The following RAD23B variants were observed in gnomAD, a reference collection of about 807,000 sequenced individuals.
RAD23B encodes RAD23 nucleotide excision repair protein B.
In RAD23B, 5 loss-of-function variants were observed where a neutral mutation model predicts 49.1. The observed-to-expected ratio is 0.10, with a 90% confidence interval of 0.05 to 0.21. The LOEUF (loss-of-function observed/expected upper bound fraction) is 0.21. Among genes scored for constraint, RAD23B ranks in the 10% least tolerant of loss-of-function variants. The pLI is 1.00. For missense variants in RAD23B, 356 were observed against 486.7 expected (o/e 0.73, Z 2.53); for synonymous variants, 184 against 165.4 (o/e 1.11, Z -0.86).
chr9:107,283,725 C>A, intron 1 of RAD23B, 30 bp downstream of exon 1: 1 of 1,256,102 alleles, frequency 8.0e-7, no homozygotes, highest in South Asian at 1.8e-5. Flanking sequence ...GCAGGGGCAG[C>A]CGCGTGCGGG....
chr9:107,314,656 T>A (rs1158131768), intron 5 of RAD23B, among the ~76,000 whole-genome samples: 1 of 152,244 alleles, frequency 6.6e-6, no homozygotes, highest in Non-Finnish European at 1.5e-5. Flanking sequence ...CTTTTTGATA[T>A]AATGATTTAT....
Position 107,304,073 on chromosome 9 carries a change from A to C in RAD23B, c.228+1959A>C, listed in dbSNP as rs2133077409. 2.0e-5 allele frequency among the ~76,000 whole-genome samples: 3 copies of C among 152,308 alleles called. No individual in the cohort carries two copies. The East Asian group carries it at 5.8e-4, about 29-fold the overall frequency. On this transcript the variant is annotated intron_variant, in intron 3 of 9. Coordinates refer to ENST00000358015, the MANE Select transcript of RAD23B (RefSeq NM_002874.5). ...CTATGAAAAGGGAGGGAATGCTGCT[A>C]CAGTAAGGCATTATGGAAGCACTGA...
At chr9:107,309,951 C>A (rs10978790) in intron 4 of RAD23B, among the ~76,000 whole-genome samples, 4,441 of 75,692 alleles carry the variant, frequency 0.059, 176 homozygotes, top group Middle Eastern at 0.14. Flanking sequence ...AAAAAAAAAA[C>A]CAATGTGTGA....
At chr9:107,293,296 G>A (rs543048947) in intron 1 of RAD23B, among the ~76,000 whole-genome samples, 3 of 152,342 alleles carry the variant, frequency 2.0e-5, no homozygotes, top group East Asian at 3.9e-4. Context: ...CCATAATTTA[G>A]TATGTGAAGG....
chr9:107,302,641 T>TG (rs1325464375), intron 3 of RAD23B, among the ~76,000 whole-genome samples: 1 of 11,770 alleles, frequency 8.5e-5, no homozygotes, highest in Non-Finnish European at 1.4e-4. Context: ...TATGAGGAAG[T>TG]TTTTTTTGTT....
chr9:107,313,585 G>T (rs1340480298), intron 5 of RAD23B, among the ~76,000 whole-genome samples: 2 of 152,042 alleles, frequency 1.3e-5, no homozygotes, highest in Non-Finnish European at 2.9e-5. Flanking sequence ...TTCCATTCTA[G>T]GTCATAGTTC....
chr9:107,306,380 C>T lies in RAD23B; in HGVS notation c.230C>T (p.Pro77Leu). The T allele has an allele frequency of 6.2e-7, 1 of 1,612,664 alleles. No individual in the cohort carries two copies. The highest frequency in any genetic ancestry group is 8.5e-7 in the Non-Finnish European group (1 of 1,179,052). ...TATTTTGTCTTTTAATGTGTTTAGC[C>T]CAAAGCAGTGTCCACACCAGCACCA... Reference protein sequence around the residue: ...KNFVVVMVTKPKAVSTPAPAT... With the variant: ...KNFVVVMVTKLKAVSTPAPAT... The change falls in exon 4 of 10, where the codon CCC becomes CTC. Residue 77 changes from proline to leucine, a missense_variant and splice_region_variant. Around this residue, in one of 5 missense-constraint regions of RAD23B, gnomAD observed 137 missense variants for 122.0 expected, o/e 1.12. Coordinates refer to ENST00000358015, the MANE Select transcript of RAD23B (RefSeq NM_002874.5).
intron 9 of RAD23B, among the ~76,000 whole-genome samples, chr9:107,327,052 A>G (rs1827219364): frequency 6.6e-6 from 1 of 151,976 alleles, no homozygotes; most frequent in African/African-American, 2.4e-5. Context: ...CCTTATAATC[A>G]TTTTATTTCC....
At chr9:107,307,272 C>A (rs749221542) in intron 4 of RAD23B, among the ~76,000 whole-genome samples, 6 of 152,162 alleles carry the variant, frequency 3.9e-5, no homozygotes, top group Non-Finnish European at 7.3e-5. Context: ...GAAATAATTT[C>A]TTGTGGGAAG....
chr9:107,303,434 C>T (rs1826699322), intron 3 of RAD23B, among the ~76,000 whole-genome samples: 1 of 152,122 alleles, frequency 6.6e-6, no homozygotes. Flanking sequence ...TTTTGCTATA[C>T]TTAAGAACTT....
At chr9:107,296,690 A>G (rs1826530993) in intron 1 of RAD23B, among the ~76,000 whole-genome samples, 2 of 150,822 alleles carry the variant, frequency 1.3e-5, no homozygotes, top group African/African-American at 4.9e-5. Context: ...GTGCACCACC[A>G]TGCCCAGTTA....
At chr9:107,329,504 T>C (rs756147052) in intron 9 of RAD23B, 39 bp from the exon 10 acceptor site, 2 of 1,212,882 alleles carry the variant, frequency 1.6e-6, no homozygotes, top group Non-Finnish European at 2.4e-6. Context: ...GTGCCATAAT[T>C]GGTGTGTTGG....
intron 1 of RAD23B, among the ~76,000 whole-genome samples, chr9:107,296,428 G>A (rs952884884): frequency 1.3e-5 from 2 of 152,118 alleles, no homozygotes; most frequent in Non-Finnish European, 2.9e-5. Context: ...ATAACATGAG[G>A]CATCAAAATT....
Position 107,330,940 on chromosome 9 carries a change from A to G in RAD23B, c.*1284A>G, listed in dbSNP as rs1286179829. On this transcript the variant is annotated 3_prime_UTR_variant, in exon 10 of 10. Coordinates refer to ENST00000358015, the MANE Select transcript of RAD23B (RefSeq NM_002874.5). This position sits in a 1 kb window ranked among gnomAD's most constrained non-coding sequence, Gnocchi z 4.4. ...TTTTCATCTCAGTTTTTTCTGTGGAATCTCCTTCATTGGCATTGTTATTTA... is the reference window on the plus strand; with the variant it reads ...TTTTCATCTCAGTTTTTTCTGTGGAGTCTCCTTCATTGGCATTGTTATTTA... 3.9e-5 allele frequency: 6 copies of G among 152,570 alleles called. No individual in the cohort carries two copies. The highest frequency in any genetic ancestry group is 7.3e-5 in the Non-Finnish European group (5 of 68,028). 9.5% of individuals were successfully genotyped at this position (152,570 alleles called of 1,614,324 possible).
At chr9:107,285,384 T>C (rs771783004) in intron 1 of RAD23B, among the ~76,000 whole-genome samples, 4 of 152,244 alleles carry the variant, frequency 2.6e-5, no homozygotes, top group Admixed American at 6.5e-5. Flanking sequence ...AGTAACTTAA[T>C]CGGCTTATAA....
intron 1 of RAD23B, among the ~76,000 whole-genome samples, chr9:107,286,320 G>C (rs1483438925): frequency 6.6e-6 from 1 of 152,178 alleles, no homozygotes; most frequent in East Asian, 1.9e-4. Flanking sequence ...TGTAGAACGT[G>C]GTCTGGGGCT....
At chr9:107,324,161 A>T (rs1467528243) in intron 8 of RAD23B, 144 bp downstream of exon 8, 1 of 988,390 alleles carries the variant, frequency 1.0e-6, no homozygotes, top group East Asian at 2.7e-5. Context: ...AGATATTGTA[A>T]TCTAGATAGG....
intron 8 of RAD23B, 129 bp from the exon 9 acceptor site, chr9:107,324,698 GACTGAAT>G (rs1327325265): frequency 1.2e-6 from 1 of 862,616 alleles, no homozygotes; most frequent in Non-Finnish European, 1.6e-6. Flanking sequence ...TCCTTCCAAA[GACTGAAT>G]AATCCAGAAT....
In RAD23B at chr9:107,321,973, T is replaced by G; in HGVS notation, c.682-10T>G. ...ATGGGATATCTTAAAGCTTGGAAAT[T>G]CTATTACAGGGAATCCCTGGAGATA... On this transcript the variant is annotated splice_polypyrimidine_tract_variant and intron_variant, in intron 6 of 9. Transcript: ENST00000358015. The G allele has an allele frequency of 6.3e-7, 1 of 1,593,928 alleles. No individual in the cohort carries two copies. The highest frequency in any genetic ancestry group is 8.5e-7 in the Non-Finnish European group (1 of 1,172,420).
Sources: allele counts gnomAD v4.1 joint callset (sites outside exome capture counted in the v4.1 genomes callset), GRCh38; gene constraint gnomAD v4.1.1; regional missense constraint gnomAD v4.1.1; non-coding constraint Gnocchi (gnomAD v3.1); transcripts MANE v1.5; gene names NCBI Gene and HGNC (gene_info 2026-07-23, HGNC 2026-07-21).